The following TLN2 variants were observed in gnomAD, a reference collection of about 807,000 sequenced individuals.
TLN2 encodes the protein talin-2.
A neutral mutation model predicts 294.7 loss-of-function variants in TLN2; 118 were observed. The observed-to-expected ratio is 0.40, with a 90% CI of 0.34 to 0.47. The LOEUF (loss-of-function observed/expected upper bound fraction) is 0.47, where lower values mean the gene tolerates loss of function less well. Among genes scored for constraint, TLN2 ranks in the 20% least tolerant of loss-of-function variants. The pLI is 0.84. For synonymous variants in TLN2, 1,431 were observed against 1,304.5 expected, an observed-to-expected ratio of 1.10 and a Z score of -2.09; for missense variants, 3,083 against 3,282.2, an observed-to-expected ratio of 0.94 and a Z score of 1.48.
chr15:62,473,312 T>C (rs2037592238), intron 1 of TLN2, among the ~76,000 whole-genome samples: 2 of 152,010 alleles, frequency 1.3e-5, no homozygotes, highest in African/African-American at 4.8e-5. Flanking sequence ...CTGAGAATAA[T>C]GCTTGGAGGT....
chr15:62,428,166 T>C (rs1218591754), intron 1 of TLN2, among the ~76,000 whole-genome samples: 1 of 152,220 alleles, frequency 6.6e-6, no homozygotes, highest in African/African-American at 2.4e-5. Context: ...TAATAGTTCA[T>C]AAATGTCACC....
chr15:62,463,919 G>A (rs1595866562), intron 1 of TLN2, among the ~76,000 whole-genome samples: 1 of 152,190 alleles, frequency 6.6e-6, no homozygotes, highest in African/African-American at 2.4e-5. Flanking sequence ...ATAAAAACCA[G>A]GAAACAACAG....
chr15:62,655,233 G>C (rs2053075309), intron 7 of TLN2, among the ~76,000 whole-genome samples: 2 of 152,192 alleles, frequency 1.3e-5, no homozygotes, highest in African/African-American at 4.8e-5. Context: ...TTATAATCTA[G>C]AGACGCTGGT....
chr15:62,762,579 G>C, intron 39 of TLN2, 126 bp downstream of exon 39: 1 of 1,095,836 alleles, frequency 9.1e-7, no homozygotes, highest in Non-Finnish European at 1.3e-6. Context: ...TTTTCTCTTT[G>C]GGGCCGGAAG....
intron 46 of TLN2, among the ~76,000 whole-genome samples, chr15:62,793,060 G>C (rs888418640): frequency 2.0e-5 from 3 of 152,222 alleles, no homozygotes; most frequent in African/African-American, 7.2e-5. Flanking sequence ...CTTCCCCGTA[G>C]GCAGATTGTA....
At chr15:62,789,092 G>A (rs2064900246) in intron 45 of TLN2, among the ~76,000 whole-genome samples, 1 of 152,098 alleles carries the variant, frequency 6.6e-6, no homozygotes, top group South Asian at 2.1e-4. Flanking sequence ...AGCCCTCCTG[G>A]CCCATGAACA....
At chr15:62,405,029 A>G (rs2033303842) in intron 1 of TLN2, among the ~76,000 whole-genome samples, 1 of 152,126 alleles carries the variant, frequency 6.6e-6, no homozygotes, top group Admixed American at 6.5e-5. Flanking sequence ...TATTTTAAAG[A>G]AAGGTGGTTG....
chr15:62,637,580 A>G (rs1398426602), intron 3 of TLN2: 1 of 152,262 alleles, frequency 6.6e-6, no homozygotes, highest in East Asian at 1.9e-4. Context: ...GGGGGTGCCA[A>G]AAAATGCAAA....
intron 1 of TLN2, among the ~76,000 whole-genome samples, chr15:62,450,062 T>A (rs965782635): frequency 6.6e-6 from 1 of 152,148 alleles, no homozygotes; most frequent in Non-Finnish European, 1.5e-5. Flanking sequence ...GGACCCCAAC[T>A]TACTTTCCTA....
chr15:62,574,494 G>A (rs2044208849), intron 1 of TLN2, among the ~76,000 whole-genome samples: 1 of 141,822 alleles, frequency 7.1e-6, no homozygotes. Context: ...GGTGGGAGGA[G>A]TGTTTGAGCC....
chr15:62,719,905 G>T (rs1407978796), intron 25 of TLN2, 25 bp downstream of exon 25: 4 of 1,565,706 alleles, frequency 2.6e-6, no homozygotes, highest in African/African-American at 2.7e-5. Context: ...GTCACCTTGG[G>T]CTCACTCAGA....
intron 2 of TLN2, among the ~76,000 whole-genome samples, chr15:62,599,708 G>T (rs896701495): frequency 1.3e-5 from 2 of 152,160 alleles, no homozygotes; most frequent in African/African-American, 4.8e-5. Flanking sequence ...AGTCTCTCCT[G>T]CAGGAGAACT....
intron 1 of TLN2, among the ~76,000 whole-genome samples, chr15:62,399,781 G>T (rs1451886510): frequency 6.6e-6 from 1 of 152,162 alleles, no homozygotes; most frequent in Admixed American, 6.5e-5. Flanking sequence ...TACCACCTTT[G>T]TATCTAGGAA....
chr15:62,713,616 T>C (rs1161530504), intron 22 of TLN2, among the ~76,000 whole-genome samples: 1 of 151,984 alleles, frequency 6.6e-6, no homozygotes, highest in African/African-American at 2.4e-5. Flanking sequence ...GAGCCAGAGG[T>C]TGCAGTGAGC....
intron 1 of TLN2, among the ~76,000 whole-genome samples, chr15:62,498,672 C>T (rs1027472877): frequency 3.3e-5 from 5 of 152,068 alleles, no homozygotes; most frequent in African/African-American, 1.2e-4. Context: ...GGTACATCCA[C>T]GTATCTACTG....
intron 9 of TLN2, chr15:62,658,157 T>A: frequency 3.9e-6 from 1 of 254,290 alleles, no homozygotes; most frequent in Non-Finnish European, 7.2e-6. Flanking sequence ...TACTTCGTCT[T>A]AGTGAAGAGG....
chr15:62,415,992 G>A (rs1259844743), intron 1 of TLN2, among the ~76,000 whole-genome samples: 2 of 152,138 alleles, frequency 1.3e-5, no homozygotes, highest in African/African-American at 2.4e-5. Flanking sequence ...AGAATGTTGG[G>A]GAAATATAAA....
At chr15:62,746,974 A>C (rs2061650487) in intron 32 of TLN2, among the ~76,000 whole-genome samples, 1 of 152,202 alleles carries the variant, frequency 6.6e-6, no homozygotes. Context: ...ACAGCGTGGT[A>C]TCGACAAAAC....
chr15:62,568,072 A>G (rs2043555824), intron 1 of TLN2, among the ~76,000 whole-genome samples: 1 of 152,134 alleles, frequency 6.6e-6, no homozygotes, highest in Non-Finnish European at 1.5e-5. Context: ...TAGCATTTTT[A>G]TGTCCCTAAT....
Sources: allele counts gnomAD v4.1 joint callset (sites outside exome capture counted in the v4.1 genomes callset), GRCh38; gene constraint gnomAD v4.1.1; transcripts MANE v1.5; gene names NCBI Gene and HGNC (gene_info 2026-07-23, HGNC 2026-07-21).